CNTN4: variants seen among roughly 807,000 people sequenced by gnomAD.
CNTN4 encodes contactin-4.
A neutral mutation model predicts 122.5 loss-of-function variants in CNTN4; 77 were observed. The ratio of observed to expected loss-of-function variants is 0.63; its 90% CI spans 0.52 to 0.76. CNTN4 has a LOEUF of 0.76. Among genes scored for constraint, CNTN4 ranks in the 30% least tolerant of loss-of-function variants. The probability of loss-of-function intolerance (pLI) is 0.00; values close to 1 mark genes in which losing one functional copy is unlikely to be tolerated. For missense variants in CNTN4, 1,256 were observed against 1,259.1 expected (o/e 1.00, Z 0.04); for synonymous variants, 512 against 447.0 (o/e 1.15, Z -1.83).
At chr3:2,980,489 G>A (rs116487823) in intron 13 of CNTN4, among the ~76,000 whole-genome samples, 1,768 of 152,256 alleles carry the variant, frequency 0.012, 34 homozygotes, top group African/African-American at 0.04. Context: ...ATAGCTACAA[G>A]TCAGTCAGTA....
chr3:2,487,271 C>T (rs972941948), intron 3 of CNTN4, among the ~76,000 whole-genome samples: 1 of 152,188 alleles, frequency 6.6e-6, no homozygotes, highest in Non-Finnish European at 1.5e-5. Context: ...TATAAGCATG[C>T]TTATCTTTAC....
chr3:2,601,500 C>T (rs1373054285), intron 4 of CNTN4, among the ~76,000 whole-genome samples: 13 of 152,060 alleles, frequency 8.5e-5, no homozygotes, highest in African/African-American at 1.9e-4. Flanking sequence ...TGTCAAAGAT[C>T]GGATGGTTAT....
At chr3:2,647,954 G>T (rs1217345134) in intron 4 of CNTN4, among the ~76,000 whole-genome samples, 1 of 152,140 alleles carries the variant, frequency 6.6e-6, no homozygotes, top group African/African-American at 2.4e-5. Flanking sequence ...TTTCTTTCTG[G>T]ATTTGAAGAT....
At chr3:2,141,129 C>A (rs1388839516) in intron 2 of CNTN4, among the ~76,000 whole-genome samples, 1 of 152,120 alleles carries the variant, frequency 6.6e-6, no homozygotes, top group African/African-American at 2.4e-5. Flanking sequence ...ACAATGTTGT[C>A]ATTGCAGGGT....
intron 4 of CNTN4, among the ~76,000 whole-genome samples, chr3:2,671,010 C>T (rs1477883024): frequency 6.6e-6 from 1 of 152,208 alleles, no homozygotes; most frequent in East Asian, 1.9e-4. Flanking sequence ...ACCTTTCTCT[C>T]TGTCTGCCCT....
intron 14 of CNTN4, among the ~76,000 whole-genome samples, chr3:3,010,215 G>A (rs1277324712): frequency 6.6e-6 from 1 of 151,960 alleles, no homozygotes; most frequent in African/African-American, 2.4e-5. Flanking sequence ...CATGGAATAA[G>A]GGAGAGCAAA....
intron 2 of CNTN4, among the ~76,000 whole-genome samples, chr3:2,301,555 A>G (rs2042524506): frequency 2.0e-5 from 3 of 152,182 alleles, no homozygotes; most frequent in African/African-American, 7.2e-5. Flanking sequence ...TTTTTTGTTG[A>G]TAGCTGGTTT....
intron 3 of CNTN4, among the ~76,000 whole-genome samples, chr3:2,382,238 C>A (rs1017852366): frequency 1.2e-4 from 18 of 150,480 alleles, no homozygotes; most frequent in African/African-American, 4.2e-4. Flanking sequence ...GGCGCGATCT[C>A]AGCTCACTGC....
rs1292137724 is a variant in CNTN4, at chr3:2,124,643, G to T, written c.-145+24004G>T. 2.0e-5 allele frequency among the ~76,000 whole-genome samples: 3 copies of T among 151,884 alleles called. No homozygotes were observed. The East Asian group carries it at 5.8e-4, about 29-fold the overall frequency. Reference sequence around the variant, plus strand: ...AACAACAACATCTGGGCATGGTGGTGCATGACTGTGATCCCAGCTACATGG... The same window carrying T: ...AACAACAACATCTGGGCATGGTGGTTCATGACTGTGATCCCAGCTACATGG... On this transcript the variant is annotated intron_variant, in intron 2 of 24. Coordinates refer to ENST00000418658, the MANE Select transcript of CNTN4 (RefSeq NM_175607.3).
At chr3:2,770,026 T>C (rs1267913419) in intron 6 of CNTN4, among the ~76,000 whole-genome samples, 3 of 144,244 alleles carry the variant, frequency 2.1e-5, no homozygotes, top group Middle Eastern at 3.6e-3. Context: ...TTTGTTTGTT[T>C]GTTTGTTTGT....
chr3:2,830,051 A>T (rs1183822062), intron 7 of CNTN4, among the ~76,000 whole-genome samples: 1 of 152,238 alleles, frequency 6.6e-6, no homozygotes, highest in Admixed American at 6.5e-5. Context: ...TTGGCTAAAA[A>T]ATAGCAGAAA....
intron 6 of CNTN4, among the ~76,000 whole-genome samples, chr3:2,800,569 C>T (rs1422027610): frequency 6.6e-6 from 1 of 152,162 alleles, no homozygotes. Context: ...CTCTGCCAGA[C>T]ATGTAATAAG....
chr3:2,451,901 A>T (rs1167776507), intron 3 of CNTN4, among the ~76,000 whole-genome samples: 1 of 152,138 alleles, frequency 6.6e-6, no homozygotes, highest in African/African-American at 2.4e-5. Context: ...TTTCCCTCAC[A>T]TTCCAAAAAC....
chr3:2,150,335 G>T (rs952349403), intron 2 of CNTN4, among the ~76,000 whole-genome samples: 1 of 152,140 alleles, frequency 6.6e-6, no homozygotes, highest in Non-Finnish European at 1.5e-5. Context: ...TTTATTAATT[G>T]TAATATATCC....
At chr3:2,667,066 T>C (rs1488196756) in intron 4 of CNTN4, among the ~76,000 whole-genome samples, 1 of 152,150 alleles carries the variant, frequency 6.6e-6, no homozygotes, top group African/African-American at 2.4e-5. Flanking sequence ...TGCATGTGTC[T>C]TTATAGCAGC....
chr3:2,382,709 G>A (rs968206227), intron 3 of CNTN4, among the ~76,000 whole-genome samples: 1 of 152,186 alleles, frequency 6.6e-6, no homozygotes, highest in Non-Finnish European at 1.5e-5. Flanking sequence ...TGCCAGTGCT[G>A]TGAGTTAAAC....
At chr3:2,883,870 G>A (rs746132568) in intron 9 of CNTN4, among the ~76,000 whole-genome samples, 8 of 152,158 alleles carry the variant, frequency 5.3e-5, no homozygotes, top group African/African-American at 9.7e-5. Flanking sequence ...ATATCAGACA[G>A]CATAAAGAAC....
chr3:2,387,463 T>A (rs890487976), intron 3 of CNTN4, among the ~76,000 whole-genome samples: 1 of 152,212 alleles, frequency 6.6e-6, no homozygotes, highest in African/African-American at 2.4e-5. Context: ...TATTTTGTTT[T>A]GACTATGATG....
intron 3 of CNTN4, among the ~76,000 whole-genome samples, chr3:2,429,305 G>T (rs2047967426): frequency 6.6e-6 from 1 of 152,144 alleles, no homozygotes; most frequent in South Asian, 2.1e-4. Flanking sequence ...CAAACAGTCA[G>T]GACCCTCAGC....
Sources: allele counts gnomAD v4.1 joint callset (sites outside exome capture counted in the v4.1 genomes callset), GRCh38; gene constraint gnomAD v4.1.1; transcripts MANE v1.5; gene names NCBI Gene and HGNC (gene_info 2026-07-23, HGNC 2026-07-21).